The following PHGR1 variants were observed in gnomAD, a reference collection of about 807,000 sequenced individuals.
PHGR1 encodes proline, histidine and glycine-rich protein 1.
In PHGR1, 3 loss-of-function variants were observed where a neutral mutation model predicts 4.9. The ratio of observed to expected loss-of-function variants is 0.61; its 90% CI spans 0.28 to 1.58. PHGR1 has a LOEUF of 1.58. Ranked by LOEUF, PHGR1 falls within the 40% of genes most tolerant of loss-of-function variation. PHGR1 has a pLI of 0.11. For missense variants in PHGR1, 81 were observed against 118.7 expected (o/e 0.68, Z 1.48); for synonymous variants, 32 against 46.1 (o/e 0.69, Z 1.24).
At chr15:40,353,957 G>T (rs369496643) in intron 2 of PHGR1, among the ~76,000 whole-genome samples, 68 of 152,330 alleles carry the variant, frequency 4.5e-4, no homozygotes, top group African/African-American at 1.6e-3. Context: ...GCAGAGGACA[G>T]ATGGGGAGGT....
chr15:40,352,104 A>G (rs1361240770), intron 1 of PHGR1, among the ~76,000 whole-genome samples: 1 of 152,128 alleles, frequency 6.6e-6, no homozygotes, highest in Admixed American at 6.5e-5. Context: ...TCCAGAGGTT[A>G]AGGTGGGAGG....
intron 2 of PHGR1, chr15:40,353,640 C>A: frequency 3.7e-6 from 1 of 267,364 alleles, no homozygotes; most frequent in Non-Finnish European, 7.3e-6. Flanking sequence ...TCGAAATGAA[C>A]AAAAGACCGT....
chr15:40,354,456 C>T, intron 3 of PHGR1, 104 bp downstream of exon 3: 1 of 1,369,264 alleles, frequency 7.3e-7, no homozygotes, highest in Non-Finnish European at 9.9e-7. Flanking sequence ...ACCACTTCCC[C>T]CAAATGAAAA....
At chr15:40,353,152 C>CGT (rs1277009351) in intron 1 of PHGR1, 80 bp from the exon 2 acceptor site, 8 of 1,275,954 alleles carry the variant, frequency 6.3e-6, no homozygotes, top group Middle Eastern at 2.0e-4. Context: ...TGTGTGCGCG[C>CGT]GCGCGCGCAT....
intron 1 of PHGR1, among the ~76,000 whole-genome samples, chr15:40,352,432 C>G (rs1889218066): frequency 6.6e-6 from 1 of 152,174 alleles, no homozygotes; most frequent in Non-Finnish European, 1.5e-5. Context: ...TCACTGGGCC[C>G]ATTCTGGGGT....
In PHGR1 at chr15:40,353,231, G is replaced by A. The variant is rs1159505487; in HGVS notation, c.-26-1G>A. On this transcript the variant is annotated splice_acceptor_variant, in intron 1 of 3. Transcript: ENST00000448599. LOFTEE classifies it low-confidence loss of function (5UTR_SPLICE). ...AATTAAAAGTTACCTTTTGAACACA[G>A]GTATTCCCTGCTCTTACTCCAAAAA... The A allele has an allele frequency of 6.4e-7, 1 of 1,551,174 alleles. No homozygotes were observed. Among genetic ancestry groups the A allele is most frequent in the East Asian group, 2.4e-5 (1 of 40,904 alleles).
At chr15:40,355,030 G>A (rs1002869831) in intron 3 of PHGR1, among the ~76,000 whole-genome samples, 4 of 152,250 alleles carry the variant, frequency 2.6e-5, no homozygotes, top group South Asian at 2.1e-4. Flanking sequence ...GAGGCAGAAG[G>A]AGACTGGGGA....
In PHGR1 at chr15:40,356,053, G is replaced by A. The variant is rs915768547; in HGVS notation, c.19-20G>A. On this transcript the variant is annotated intron_variant, in intron 3 of 3. Transcript: ENST00000448599. ...AGCCCTGACCTCTGACTCTGACATT[G>A]TTCATTTGACTTTCCACAGGGGCAC... 104 of 1,548,362 alleles carry A rather than the reference G, an allele frequency of 6.7e-5. No individual in the cohort carries two copies. The highest frequency in any genetic ancestry group is 8.2e-5 in the Non-Finnish European group (94 of 1,145,518).
In PHGR1 at chr15:40,353,241, G is replaced by C; in HGVS notation, c.-17G>C. Reference sequence around the variant, plus strand: ...TACCTTTTGAACACAGGTATTCCCTGCTCTTACTCCAAAAAGATGGACCCA... The same window carrying C: ...TACCTTTTGAACACAGGTATTCCCTCCTCTTACTCCAAAAAGATGGACCCA... On this transcript the variant is annotated 5_prime_UTR_variant, in exon 2 of 4. Transcript: ENST00000448599. 1.3e-6 allele frequency: 2 copies of C among 1,551,392 alleles called. No individual in the cohort carries two copies. The highest frequency in any genetic ancestry group is 1.7e-6 in the Non-Finnish European group (2 of 1,146,844).
chr15:40,356,225 C>T lies in PHGR1; in HGVS notation c.171C>T (p.Pro57=). ...PGHGPGPCGP[P]PHHGPGPCGP... ...ATGGCCCAGGGCCCTGCGGGCCACC[C>T]CCCCACCATGGTCCAGGGCCCTGCG... The change falls in exon 4 of 4, where the codon CCC becomes CCT. Residue 57 remains proline, a synonymous_variant. Transcript: ENST00000448599. 1 of 1,523,828 alleles carries T rather than the reference C, an allele frequency of 6.6e-7. No individual in the cohort carries two copies. Among genetic ancestry groups the T allele is most frequent in the Non-Finnish European group, 8.9e-7 (1 of 1,129,206 alleles). The allele number at this position is 1,523,828 out of a possible 1,614,324, so 94.4% of individuals were successfully genotyped here.
chr15:40,355,510 G>C (rs932788890), intron 3 of PHGR1, among the ~76,000 whole-genome samples: 1 of 152,056 alleles, frequency 6.6e-6, no homozygotes, highest in Non-Finnish European at 1.5e-5. Flanking sequence ...CCTATAAAAA[G>C]AATACATACA....
intron 3 of PHGR1, among the ~76,000 whole-genome samples, chr15:40,355,458 TTATA>T (rs1889277702): frequency 6.6e-6 from 1 of 152,148 alleles, no homozygotes; most frequent in Admixed American, 6.5e-5. Context: ...CATAGCTATT[TTATA>T]TAAATATGGC....
intron 2 of PHGR1, chr15:40,353,506 T>C: frequency 1.9e-6 from 1 of 533,904 alleles, no homozygotes; most frequent in Non-Finnish European, 3.3e-6. Flanking sequence ...TAAGGGTAGG[T>C]GCTTCTCCCA....
At chr15:40,353,146 T>TGTGTGTGTGTGTGTGC (rs56132408) in intron 1 of PHGR1, 86 bp from the exon 2 acceptor site, 4 of 776,226 alleles carry the variant, frequency 5.2e-6, no homozygotes, top group African/African-American at 1.9e-5. Flanking sequence ...TGTGTGTGTG[T>TGTGTGTGTGTGTGTGC]GCGCGCGCGC....
At chr15:40,353,339 A>G in intron 2 of PHGR1, 72 bp downstream of exon 2, 2 of 1,544,964 alleles carry the variant, frequency 1.3e-6, no homozygotes, top group Non-Finnish European at 8.8e-7. Context: ...GGCAGGGACT[A>G]TCAGTCAGCC....
At chr15:40,351,115 G>T (rs145116468) in intron 1 of PHGR1, 53 bp downstream of exon 1, 2 of 152,428 alleles carry the variant, frequency 1.3e-5, no homozygotes, top group African/African-American at 4.8e-5. Flanking sequence ...GTCTCTGTGG[G>T]GTATGTTGTG....
chr15:40,353,306 G>T, intron 2 of PHGR1, 39 bp downstream of exon 2: 2 of 1,551,352 alleles, frequency 1.3e-6, no homozygotes. Context: ...TTGGAAGAAG[G>T]GAGAGAGCAG....
At chr15:40,352,962 C>A (rs1446834792) in intron 1 of PHGR1, among the ~76,000 whole-genome samples, 1 of 152,114 alleles carries the variant, frequency 6.6e-6, no homozygotes, top group Non-Finnish European at 1.5e-5. Flanking sequence ...GGGGCTGGTA[C>A]ATGGTGCTGT....
intron 3 of PHGR1, among the ~76,000 whole-genome samples, chr15:40,355,480 G>A (rs143659766): frequency 1.4e-3 from 210 of 151,408 alleles, no homozygotes; most frequent in African/African-American, 4.8e-3. Context: ...GGCACACACC[G>A]TCTACACACA....
Sources: allele counts gnomAD v4.1 joint callset (sites outside exome capture counted in the v4.1 genomes callset), GRCh38; gene constraint gnomAD v4.1.1; transcripts MANE v1.5; gene names NCBI Gene and HGNC (gene_info 2026-07-23, HGNC 2026-07-21).